Variants in ADGRB3 observed in about 807,000 individuals in gnomAD.
ADGRB3 encodes adhesion G protein-coupled receptor B3, also known as brain-specific angiogenesis inhibitor 3.
In ADGRB3, 37 loss-of-function variants were observed where a neutral mutation model predicts 193.4. That is an observed-to-expected ratio of 0.19 (90% CI 0.15 to 0.25). ADGRB3 has a LOEUF of 0.25. ADGRB3 is among the 10% of genes least tolerant of loss of function. ADGRB3 has a pLI of 1.00. For synonymous variants in ADGRB3, 690 were observed against 644.2 expected (o/e 1.07, Z -1.08); for missense variants, 1,637 against 1,852.9 (o/e 0.88, Z 2.14).
chr6:68,717,516 G>C (rs1394274730), intron 3 of ADGRB3, among the ~76,000 whole-genome samples: 1 of 151,364 alleles, frequency 6.6e-6, no homozygotes, highest in African/African-American at 2.4e-5. Flanking sequence ...GTGTAGATAA[G>C]TGCAAGGTGA....
chr6:68,772,892 A>ATATATATATAT (rs1293211041), intron 3 of ADGRB3, among the ~76,000 whole-genome samples: 4 of 30,556 alleles, frequency 1.3e-4, no homozygotes, highest in African/African-American at 4.9e-4. Flanking sequence ...CAAAAAAAAA[A>ATATATATATAT]AAATATATAT....
chr6:69,011,135 A>ATGTGTGTGTGTGTGTGTG (rs66675226), intron 11 of ADGRB3, among the ~76,000 whole-genome samples: 157 of 145,026 alleles, frequency 1.1e-3, no homozygotes, highest in Non-Finnish European at 1.7e-3. Flanking sequence ...ATACATATAT[A>ATGTGTGTGTGTGTGTGTG]TGTGTGTGTG....
chr6:68,681,773 A>T (rs978301658), intron 3 of ADGRB3, among the ~76,000 whole-genome samples: 7 of 152,172 alleles, frequency 4.6e-5, no homozygotes, highest in African/African-American at 1.7e-4. Context: ...GTACTTTAGA[A>T]TTTATTTTCA....
intron 17 of ADGRB3, among the ~76,000 whole-genome samples, chr6:69,092,652 GT>G (rs527551272): frequency 4.6e-5 from 7 of 152,274 alleles, no homozygotes; most frequent in Admixed American, 3.9e-4. Context: ...GTTACAGTTA[GT>G]GATGAAAACA....
intron 17 of ADGRB3, among the ~76,000 whole-genome samples, chr6:69,184,472 C>T (rs1013150874): frequency 6.6e-6 from 1 of 152,066 alleles, no homozygotes; most frequent in Non-Finnish European, 1.5e-5. Flanking sequence ...GAATATATCA[C>T]TAATATGTAC....
At chr6:69,037,032 G>T (rs1040923725) in intron 13 of ADGRB3, among the ~76,000 whole-genome samples, 1 of 152,140 alleles carries the variant, frequency 6.6e-6, no homozygotes, top group Non-Finnish European at 1.5e-5. Context: ...GTGGCTTTTG[G>T]CAGGTTATGG....
chr6:68,921,481 G>A (rs1485968295), intron 3 of ADGRB3, among the ~76,000 whole-genome samples: 2 of 152,132 alleles, frequency 1.3e-5, no homozygotes, highest in South Asian at 4.1e-4. Flanking sequence ...CCAACACTAC[G>A]TGTACTGAAA....
chr6:69,080,309 T>G (rs1167181059), intron 17 of ADGRB3, among the ~76,000 whole-genome samples: 2 of 152,050 alleles, frequency 1.3e-5, no homozygotes, highest in Non-Finnish European at 2.9e-5. Context: ...ATGTTCCTCT[T>G]AGAAATTTTA....
chr6:69,274,207 A>G (rs1007100488), intron 20 of ADGRB3, among the ~76,000 whole-genome samples: 1 of 152,200 alleles, frequency 6.6e-6, no homozygotes, highest in East Asian at 1.9e-4. Flanking sequence ...ACAAAAATCA[A>G]TGTTTGCTAT....
In ADGRB3 at chr6:68,956,749, G is replaced by A. The variant is rs768838826; in HGVS notation, c.1465G>A (p.Gly489Arg). 6.8e-6 allele frequency: 11 copies of A among 1,613,956 alleles called. No homozygotes were observed. Among genetic ancestry groups the A allele is most frequent in the Non-Finnish European group, 9.3e-6 (11 of 1,180,006 alleles). Reference sequence around the variant, plus strand: ...GACCTGTCAGGGTGCAGTGATAACAGGGCAGCAATGTGAAGGAACGGGCGA... The same window carrying A: ...GACCTGTCAGGGTGCAGTGATAACAAGGCAGCAATGTGAAGGAACGGGCGA... ...IRTCQGAVITGQQCEGTGEEV... is the reference protein window; with the variant it reads ...IRTCQGAVITRQQCEGTGEEV... Residue 489 changes from glycine (G) to arginine (R), a missense_variant, in exon 8 of 32, where the codon GGG (glycine) becomes AGG (arginine). Coordinates refer to ENST00000370598, the MANE Select transcript of ADGRB3 (RefSeq NM_001704.3).
chr6:68,996,389 A>G (rs1769383767), intron 11 of ADGRB3, among the ~76,000 whole-genome samples: 1 of 152,146 alleles, frequency 6.6e-6, no homozygotes, highest in South Asian at 2.1e-4. Context: ...ACTATAATTT[A>G]TCATAGAACA....
intron 3 of ADGRB3, among the ~76,000 whole-genome samples, chr6:68,714,975 C>G (rs1237344329): frequency 6.6e-6 from 1 of 151,742 alleles, no homozygotes; most frequent in Admixed American, 6.6e-5. Flanking sequence ...AGTTAGTGCA[C>G]ATCAATTGTA....
At chr6:69,100,869 G>C (rs1773020196) in intron 17 of ADGRB3, among the ~76,000 whole-genome samples, 1 of 29,748 alleles carries the variant, frequency 3.4e-5, no homozygotes. Context: ...AAGGAAGGAA[G>C]GAAGAAGGAA....
intron 3 of ADGRB3, among the ~76,000 whole-genome samples, chr6:68,694,245 G>A (rs903439164): frequency 6.6e-6 from 1 of 151,990 alleles, no homozygotes; most frequent in East Asian, 1.9e-4. Flanking sequence ...GATGCCAGGG[G>A]CCTAGTGAAT....
At chr6:69,252,788 G>A (rs757715936) in intron 20 of ADGRB3, among the ~76,000 whole-genome samples, 1 of 151,838 alleles carries the variant, frequency 6.6e-6, no homozygotes, top group Non-Finnish European at 1.5e-5. Flanking sequence ...AGAAATTTTT[G>A]TGAAGTTCAG....
At chr6:69,356,742 T>C (rs774452688) in intron 28 of ADGRB3, among the ~76,000 whole-genome samples, 15 of 152,282 alleles carry the variant, frequency 9.9e-5, no homozygotes, top group African/African-American at 2.6e-4. Context: ...AAGGTTGTTG[T>C]GGTTTTAATT....
chr6:68,866,853 G>C (rs1765310131), intron 3 of ADGRB3, among the ~76,000 whole-genome samples: 1 of 152,152 alleles, frequency 6.6e-6, no homozygotes, highest in African/African-American at 2.4e-5. Flanking sequence ...AGAGTATCGG[G>C]CAGGAGAAAC....
intron 20 of ADGRB3, among the ~76,000 whole-genome samples, chr6:69,240,838 T>G (rs1249923091): frequency 6.6e-6 from 1 of 152,002 alleles, no homozygotes; most frequent in Non-Finnish European, 1.5e-5. Context: ...TCCCAATTTT[T>G]TAACTACTTG....
chr6:69,372,351 G>T lies in ADGRB3; in HGVS notation c.4240-55G>T. ...TGATGATTTTTCATTTTGTTTGAAT[G>T]ACTAAACATAACTTTATTGGTTTTT... On this transcript the variant is annotated intron_variant, in intron 29 of 31. Coordinates refer to ENST00000370598, the MANE Select transcript of ADGRB3 (RefSeq NM_001704.3). The T allele has an allele frequency of 3.0e-6, 3 of 1,010,058 alleles. No homozygotes were observed. In the South Asian group the frequency reaches 5.3e-5, roughly 18 times the overall value. 62.6% of individuals were successfully genotyped at this position (1,010,058 alleles called of 1,614,324 possible).
Sources: allele counts gnomAD v4.1 joint callset (sites outside exome capture counted in the v4.1 genomes callset), GRCh38; gene constraint gnomAD v4.1.1; transcripts MANE v1.5; gene names NCBI Gene and HGNC (gene_info 2026-07-23, HGNC 2026-07-21).